SCAP: variants seen among roughly 807,000 people sequenced by gnomAD.
SCAP encodes the protein sterol regulatory element-binding protein cleavage-activating protein.
In SCAP, 65 loss-of-function variants were observed where a neutral mutation model predicts 123.6. That is an observed-to-expected ratio of 0.53 (90% CI 0.43 to 0.65). SCAP has a LOEUF of 0.65. Among genes scored for constraint, SCAP ranks in the 30% least tolerant of loss-of-function variants. The probability of loss-of-function intolerance (pLI) is 0.00; values close to 1 mark genes in which losing one functional copy is unlikely to be tolerated. For synonymous variants in SCAP, 740 were observed against 726.3 expected, an observed-to-expected ratio of 1.02 and a Z score of -0.30; for missense variants, 1,398 against 1,712.5, an observed-to-expected ratio of 0.82 and a Z score of 3.24.
At chr3:47,453,407 A>AAT (rs1707295257) in intron 1 of SCAP, among the ~76,000 whole-genome samples, 1 of 151,014 alleles carries the variant, frequency 6.6e-6, no homozygotes, top group Non-Finnish European at 1.5e-5. Context: ...GAAAAAAAAA[A>AAT]GACCTGCTTA....
intron 1 of SCAP, among the ~76,000 whole-genome samples, chr3:47,447,857 T>C (rs1707104175): frequency 6.6e-6 from 1 of 151,250 alleles, no homozygotes; most frequent in African/African-American, 2.4e-5. Flanking sequence ...AAATACAAAA[T>C]AGCCGGGCAT....
rs1457055328 is a variant in SCAP, at chr3:47,439,850, T to C, written c.122+3022A>G. On this transcript the variant is annotated intron_variant, in intron 2 of 22. Transcript: ENST00000265565. The surrounding 1 kb of genome is among the most constrained non-coding windows in gnomAD (Gnocchi z 4.0). ...GTTCATTTGAAGTAGTGTCCTTGGC[T>C]CTCAGTCACTGAAACCTGCAGCCTC... Among the ~76,000 whole-genome samples the C allele has an allele frequency of 6.6e-6, 1 of 152,212 alleles. No homozygotes were observed. The highest frequency in any genetic ancestry group is 1.5e-5 in the Non-Finnish European group (1 of 68,038).
Position 47,417,481 on chromosome 3 carries a change from TG to T in SCAP, c.2792del (p.Pro931GlnfsTer140). ...GCCCAGGCGAGGGTGGGCGCAGGGCTGGTGTGCAGACGGCCGCCAGCCCCTC... is the reference window on the plus strand; with the variant it reads ...GCCCAGGCGAGGGTGGGCGCAGGGCTGTGTGCAGACGGCCGCCAGCCCCTC... The part of the protein sequence containing the change: ...QEEGLAAVCT[P>X]ALRPPSPGPV... On this transcript the variant is annotated frameshift_variant, in exon 17 of 23. Coordinates refer to ENST00000265565, the MANE Select transcript of SCAP (RefSeq NM_012235.4). LOFTEE classifies it high-confidence loss of function. 6.4e-7 allele frequency: 1 copy of T among 1,550,876 alleles called. No individual in the cohort carries two copies. Among genetic ancestry groups the T allele is most frequent in the Middle Eastern group, 1.8e-4 (1 of 5,590 alleles).
chr3:47,456,532 G>A (rs1396404387), intron 1 of SCAP, among the ~76,000 whole-genome samples: 1 of 152,110 alleles, frequency 6.6e-6, no homozygotes, highest in Non-Finnish European at 1.5e-5. Context: ...TTGGGAGGCC[G>A]AGACAGGTGG....
intron 2 of SCAP, among the ~76,000 whole-genome samples, chr3:47,440,286 AG>A (rs1323182237): frequency 7.2e-5 from 11 of 152,160 alleles, no homozygotes; most frequent in Non-Finnish European, 1.3e-4. Flanking sequence ...CTCTGGAAGA[AG>A]GGGGCACTGC....
At chr3:47,455,597 A>G (rs1707393848) in intron 1 of SCAP, among the ~76,000 whole-genome samples, 1 of 149,548 alleles carries the variant, frequency 6.7e-6, no homozygotes, top group Non-Finnish European at 1.5e-5. Context: ...TCCACCTCAA[A>G]AAAAAAAAAA....
chr3:47,472,504 C>T (rs1708070232), intron 1 of SCAP, among the ~76,000 whole-genome samples: 1 of 150,226 alleles, frequency 6.7e-6, no homozygotes, highest in South Asian at 2.1e-4. Context: ...CTGAAATAAA[C>T]AGGAAAATTA....
chr3:47,418,537 G>A lies in SCAP; in HGVS notation c.2130-15C>T, dbSNP rs769687752. Reference sequence around the variant, plus strand: ...GCGCCGCCACCCTGCACGGGAGGGCGGACTGCTGTGAGACACACCTCACAG... The same window carrying A: ...GCGCCGCCACCCTGCACGGGAGGGCAGACTGCTGTGAGACACACCTCACAG... On this transcript the variant is annotated splice_polypyrimidine_tract_variant and intron_variant, in intron 14 of 22. Transcript: ENST00000265565. The A allele has an allele frequency of 1.6e-5, 26 of 1,576,324 alleles. No homozygotes were observed. The highest frequency in any genetic ancestry group is 4.6e-5 in the East Asian group (2 of 43,272).
intron 1 of SCAP, among the ~76,000 whole-genome samples, chr3:47,450,537 G>C (rs1334073470): frequency 3.5e-5 from 4 of 112,944 alleles, no homozygotes; most frequent in African/African-American, 1.3e-4. Context: ...CCTTGAGACA[G>C]AGTCTCACTC....
intron 1 of SCAP, among the ~76,000 whole-genome samples, chr3:47,449,769 T>C (rs1274829774): frequency 8.1e-6 from 1 of 124,074 alleles, no homozygotes; most frequent in Non-Finnish European, 1.8e-5. Context: ...GGAAACTCAC[T>C]ACCAGTTCAC....
chr3:47,414,697 A>G (rs751355170), intron 20 of SCAP, 45 bp from the exon 21 acceptor site: 1 of 1,612,286 alleles, frequency 6.2e-7, no homozygotes, highest in South Asian at 1.1e-5. Flanking sequence ...GGGATTTTCC[A>G]AGTTATACTT....
chr3:47,427,511 A>C lies in SCAP; in HGVS notation c.567T>G (p.Pro189=). The C allele has an allele frequency of 2.5e-6, 4 of 1,614,204 alleles. No individual in the cohort carries two copies. Among genetic ancestry groups the C allele is most frequent in the Non-Finnish European group, 3.4e-6 (4 of 1,180,026 alleles). ...QNDWERFHAD[P]DIIGTIHQHE... ...GCTGGTGGATGGTCCCAATGATGTC[A>C]GGATCAGCATGGAAGCGTTCCCAGT... Residue 189 remains proline, a synonymous_variant, in exon 5 of 23, where the codon CCT becomes CCG. Transcript: ENST00000265565.
intron 1 of SCAP, among the ~76,000 whole-genome samples, chr3:47,462,731 C>G (rs1576312508): frequency 1.0e-5 from 1 of 95,766 alleles, no homozygotes; most frequent in Admixed American, 1.4e-4. Context: ...CCAGACTGGG[C>G]AATAAGAGCG....
intron 1 of SCAP, among the ~76,000 whole-genome samples, chr3:47,455,191 G>C (rs1341415940): frequency 6.7e-5 from 10 of 149,964 alleles, no homozygotes; most frequent in Non-Finnish European, 1.2e-4. Context: ...ACAACAAGCA[G>C]GCAGAAGTAA....
intron 1 of SCAP, among the ~76,000 whole-genome samples, chr3:47,455,584 G>C (rs1707391230): frequency 1.9e-5 from 2 of 105,890 alleles, no homozygotes; most frequent in South Asian, 3.2e-4. Context: ...GACAGAGCAA[G>C]ACTCCACCTC....
At position 47,443,233 on chromosome 3, in the gene SCAP, TACACACACACACAC is replaced by T. The variant is rs60723433; in HGVS notation, c.-98-156_-98-143del. 1.8e-3 allele frequency: 186 copies of T among 104,762 alleles called. 1 individual carries two copies. The highest frequency in any genetic ancestry group is 4.0e-3 in the Middle Eastern group (1 of 252). The allele number at this position is 104,762 out of a possible 1,614,324, so 6.5% of individuals were successfully genotyped here. On this transcript the variant is annotated intron_variant, in intron 1 of 22. Transcript: ENST00000265565. ...AGGTCTAGTGACCTCAATCCCAAAA[TACACACACACACAC>T]ACACACACACACACACACACACACA...
chr3:47,426,781 C>T (rs942977941), intron 6 of SCAP, among the ~76,000 whole-genome samples: 1 of 152,200 alleles, frequency 6.6e-6, no homozygotes, highest in Non-Finnish European at 1.5e-5. Flanking sequence ...CGATCAGAAG[C>T]ACCTCGAGTG....
intron 1 of SCAP, 87 bp from the exon 2 acceptor site, chr3:47,443,178 T>C (rs1276060612): frequency 9.2e-6 from 10 of 1,083,150 alleles, no homozygotes; most frequent in South Asian, 1.6e-5. Flanking sequence ...GTTATGTGGC[T>C]GGGGAATGGT....
In SCAP at chr3:47,414,586, C is replaced by T. The variant is rs201148221; in HGVS notation, c.3373G>A (p.Val1125Met). The T allele has an allele frequency of 2.9e-4, 468 of 1,613,462 alleles. No homozygotes were observed. The highest frequency in any genetic ancestry group is 3.7e-4 in the Non-Finnish European group (431 of 1,179,990). Residue 1125 changes from valine (V) to methionine (M), a missense_variant, in exon 21 of 23, where the codon GTG becomes ATG. By Grantham distance (21) the Val-to-Met change is conservative. This residue lies in a region of SCAP where 44 missense variants were observed against 64.4 expected (regional missense o/e 0.68). Transcript: ENST00000265565. Reference protein sequence around the residue: ...LQGHSGAITTVYIDQTMVLAS... With the variant: ...LQGHSGAITTMYIDQTMVLAS... ...AGGCCGCTTACCTGGTCAATGTACACGGTCGTGATGGCCCCTGAGTGGCCC... is the reference window on the plus strand; with the variant it reads ...AGGCCGCTTACCTGGTCAATGTACATGGTCGTGATGGCCCCTGAGTGGCCC...
Sources: gnomAD v4.1 joint callset for allele counts (sites outside exome capture counted in the v4.1 genomes callset) on GRCh38, gnomAD v4.1.1 for gene constraint, gnomAD v4.1.1 regional missense constraint, Gnocchi (gnomAD v3.1) non-coding constraint, MANE v1.5 for transcripts, NCBI Gene and HGNC (gene_info 2026-07-23, HGNC 2026-07-21) for gene names.